Variants in PEX2 observed in about 807,000 individuals in gnomAD.
The protein encoded by PEX2 is peroxisomal biogenesis factor 2.
In PEX2, 19 loss-of-function variants were observed where a neutral mutation model predicts 25.2. The ratio of observed to expected loss-of-function variants is 0.75; its 90% confidence interval spans 0.53 to 1.10. The LOEUF is 1.10. Among genes scored for constraint, PEX2 ranks in the 50% least tolerant of loss-of-function variants. PEX2 has a pLI of 0.00. For synonymous variants in PEX2, 141 were observed against 127.7 expected (o/e 1.10, Z -0.70); for missense variants, 347 against 350.6 (o/e 0.99, Z 0.08).
In PEX2 at chr8:76,983,831, T is replaced by C. The variant is rs777560932; in HGVS notation, c.348A>G (p.Leu116=). The change falls in exon 4 of 4, where the codon TTA becomes TTG. Residue 116 remains leucine (L), a synonymous_variant. Coordinates refer to ENST00000357039, the MANE Select transcript of PEX2 (RefSeq NM_000318.3). ...GAAACAAATCATAGCATCGTTCTTC[T>C]AACCACCTGCCACCAATTGTACAAA... ...YAVCTIGGRW[L]EERCYDLFRN... is the part of the protein sequence containing the mutation. 29 of 1,614,194 alleles carry C rather than the reference T, an allele frequency of 1.8e-5. No individual in the cohort carries two copies. The highest frequency in any genetic ancestry group is 2.4e-5 in the Non-Finnish European group (28 of 1,180,034).
At chr8:76,991,332 T>C (rs1384468952) in intron 1 of PEX2, among the ~76,000 whole-genome samples, 2 of 152,196 alleles carry the variant, frequency 1.3e-5, no homozygotes, top group African/African-American at 4.8e-5. Context: ...CAAAAAATTC[T>C]TTCTTATCCC....
chr8:76,984,027 C>G lies in PEX2; in HGVS notation c.152G>C (p.Arg51Pro), dbSNP rs549242503. 6.2e-7 allele frequency: 1 copy of G among 1,613,468 alleles called. No homozygotes were observed. Residue 51 changes from arginine to proline, a missense_variant, in exon 4 of 4, where the codon CGC (arginine) becomes CCC (proline). Transcript: ENST00000357039. Reference protein sequence around the residue: ...FHGFKPGLLARFEPEVKACLW... With the variant: ...FHGFKPGLLAPFEPEVKACLW... ...GCACGCTTTCACCTCTGGCTCAAAG[C>G]GAGCTAACAGCCCAGGTTTAAATCC...
At chr8:76,987,371 G>A (rs1025933539) in intron 2 of PEX2, among the ~76,000 whole-genome samples, 6 of 152,116 alleles carry the variant, frequency 3.9e-5, no homozygotes, top group African/African-American at 7.2e-5. Flanking sequence ...GTAAAGGAGG[G>A]TAAGAATACT....
rs191426374 is a variant in PEX2, at chr8:76,985,054, T to C, written c.-17-859A>G. ...AGCTTACTGATTCAATACACATATA[T>C]TATTATAAATATGTATTATGTGCAA... On this transcript the variant is annotated intron_variant, in intron 3 of 3. Transcript: ENST00000357039. 3.5e-4 allele frequency among the ~76,000 whole-genome samples: 53 copies of C among 152,112 alleles called. 1 individual carries two copies. The highest frequency in any genetic ancestry group is 3.8e-4 in the Non-Finnish European group (26 of 68,008).
Position 76,983,744 on chromosome 8 carries a change from A to C in PEX2, c.435T>G (p.Leu145=). 1.2e-6 allele frequency: 2 copies of C among 1,614,070 alleles called. No individual in the cohort carries two copies. Among genetic ancestry groups the C allele is most frequent in the South Asian group, 2.2e-5 (2 of 91,082 alleles). Residue 145 remains leucine, a synonymous_variant, in exon 4 of 4, where the codon CTT becomes CTG. Coordinates refer to ENST00000357039, the MANE Select transcript of PEX2 (RefSeq NM_000318.3). ...VKQCVNFVIG[L]LKLGGLINFL... The stretch of plus-strand genomic sequence containing the variant: ...AATTAATCAGCCCACCTAATTTCAA[A>C]AGTCCAATCACAAAATTCACACACT...
In PEX2 at chr8:76,983,028, G is replaced by T; in HGVS notation, c.*233C>A. The T allele has an allele frequency of 1.7e-6, 2 of 1,190,540 alleles. No homozygotes were observed. The highest frequency in any genetic ancestry group is 2.2e-6 in the Non-Finnish European group (2 of 897,586). 73.7% of individuals were successfully genotyped at this position (1,190,540 alleles called of 1,614,324 possible). On this transcript the variant is annotated 3_prime_UTR_variant, in exon 4 of 4. Coordinates refer to ENST00000357039, the MANE Select transcript of PEX2 (RefSeq NM_000318.3). ...CTGACAAAAGCTGTCCATTATTCTT[G>T]ACATTAAAAATTGAATGCAATGATT...
chr8:76,987,693 A>G (rs1807046245), intron 2 of PEX2, among the ~76,000 whole-genome samples: 1 of 152,180 alleles, frequency 6.6e-6, no homozygotes, highest in Non-Finnish European at 1.5e-5. Flanking sequence ...CTAAATTAGA[A>G]AAGTATCAAT....
intron 3 of PEX2, among the ~76,000 whole-genome samples, chr8:76,984,961 A>G (rs898824030): frequency 6.6e-6 from 1 of 152,122 alleles, no homozygotes; most frequent in African/African-American, 2.4e-5. Flanking sequence ...TAGACTAAGG[A>G]AACAAATTGG....
intron 1 of PEX2, among the ~76,000 whole-genome samples, chr8:76,989,007 T>TAAAAAAAAA (rs56178165): frequency 7.7e-6 from 1 of 129,906 alleles, no homozygotes; most frequent in African/African-American, 2.9e-5. Context: ...CTACAAAAAC[T>TAAAAAAAAA]AAAAAAAAAA....
chr8:77,000,680 C>G (rs1807486825), upstream of PEX2, among the ~76,000 whole-genome samples: 1 of 152,192 alleles, frequency 6.6e-6, no homozygotes, highest in East Asian at 1.9e-4. Flanking sequence ...AGGCAGGTAG[C>G]TGGCCCGTCA....
intron 1 of PEX2, 114 bp downstream of exon 1, chr8:76,999,875 TA>T (rs982378181): frequency 7.7e-5 from 35 of 455,764 alleles, no homozygotes; most frequent in Admixed American, 1.4e-4. Context: ...AGGAAGCCAA[TA>T]AACAGGGAAA....
chr8:76,988,698 T>C (rs1296430485), intron 1 of PEX2, among the ~76,000 whole-genome samples: 1 of 152,204 alleles, frequency 6.6e-6, no homozygotes, highest in African/African-American at 2.4e-5. Context: ...GATTTCTCTG[T>C]AGCATGCGAA....
In PEX2 at chr8:76,982,989, T is replaced by C. The variant is rs2132042382; in HGVS notation, c.*272A>G. 1 of 779,202 alleles carries C rather than the reference T, an allele frequency of 1.3e-6. No homozygotes were observed. Among genetic ancestry groups the C allele is most frequent in the Non-Finnish European group, 1.8e-6 (1 of 545,874 alleles). 48.3% of individuals were successfully genotyped at this position (779,202 alleles called of 1,614,324 possible). A position where few individuals can be genotyped will look rare whatever the true frequency, so the allele number is the denominator to read the frequency against. ...TAAGAAGTAGTAAAATGAAGGAGCATTGTTAGTAGTCACCTGACAAAAGCT... is the reference window on the plus strand; with the variant it reads ...TAAGAAGTAGTAAAATGAAGGAGCACTGTTAGTAGTCACCTGACAAAAGCT... On this transcript the variant is annotated 3_prime_UTR_variant, in exon 4 of 4. Coordinates refer to ENST00000357039, the MANE Select transcript of PEX2 (RefSeq NM_000318.3).
upstream of PEX2, among the ~76,000 whole-genome samples, chr8:77,000,728 A>G (rs1281197171): frequency 6.6e-6 from 1 of 152,140 alleles, no homozygotes; most frequent in Non-Finnish European, 1.5e-5. Flanking sequence ...GAGACCCCGT[A>G]GAGCGGGCCA....
In PEX2 at chr8:76,980,290, C is replaced by T. The variant is rs2132038839; in HGVS notation, c.*2971G>A. 1 of 152,204 alleles carries T rather than the reference C, an allele frequency of 6.6e-6. No homozygotes were observed. 9.4% of individuals were successfully genotyped at this position (152,204 alleles called of 1,614,324 possible). A position where few individuals can be genotyped will look rare whatever the true frequency, so the allele number is the denominator to read the frequency against. On this transcript the variant is annotated 3_prime_UTR_variant, in exon 4 of 4. Transcript: ENST00000357039. ...AACAATTTTGTTGACTTTATTTAAT[C>T]CTTTCAAATCTGCAATGTTAAAGAA...
At chr8:77,000,904 T>C (rs1807495452), upstream of PEX2, 1 of 152,206 alleles carries the variant, frequency 6.6e-6, no homozygotes, top group Non-Finnish European at 1.5e-5. Flanking sequence ...ATGTAGCCGT[T>C]GAGGATCGCC....
At chr8:76,997,970 T>A (rs557808897) in intron 1 of PEX2, among the ~76,000 whole-genome samples, 1 of 152,098 alleles carries the variant, frequency 6.6e-6, no homozygotes, top group African/African-American at 2.4e-5. Flanking sequence ...TCCAAAGGAA[T>A]AGAAAAGGAA....
intron 1 of PEX2, among the ~76,000 whole-genome samples, chr8:76,996,146 A>G (rs1446711812): frequency 6.6e-6 from 1 of 152,182 alleles, no homozygotes; most frequent in Non-Finnish European, 1.5e-5. Context: ...ATCCCAATGA[A>G]CTTGTTAGTT....
Position 76,983,789 on chromosome 8 carries a change from T to C in PEX2, c.390A>G (p.Ala130=), listed in dbSNP as rs1285086423. 1 of 1,614,050 alleles carries C rather than the reference T, an allele frequency of 6.2e-7. No individual in the cohort carries two copies. The highest frequency in any genetic ancestry group is 8.5e-7 in the Non-Finnish European group (1 of 1,180,056). The change falls in exon 4 of 4, where the codon GCA becomes GCG. Residue 130 remains alanine, a synonymous_variant. Coordinates refer to ENST00000357039, the MANE Select transcript of PEX2 (RefSeq NM_000318.3). ...CACACTGCTTGACTTTCCCAAATGA[T>C]GCTAAATGATGGTTTCGAAACAAAT... is the stretch of plus-strand genomic sequence containing the variant. ...CYDLFRNHHL[A]SFGKVKQCVN...
Sources: gnomAD v4.1 joint callset for allele counts (sites outside exome capture counted in the v4.1 genomes callset) on GRCh38, gnomAD v4.1.1 for gene constraint, MANE v1.5 for transcripts, NCBI Gene and HGNC (gene_info 2026-07-23, HGNC 2026-07-21) for gene names.